The following ARHGAP17 variants were observed in gnomAD, a reference collection of about 807,000 sequenced individuals.
ARHGAP17 encodes rho GTPase-activating protein 17.
ARHGAP17 carries 57 observed loss-of-function variants against 99.5 expected under a neutral mutation model. The ratio of observed to expected loss-of-function variants is 0.57; its 90% confidence interval spans 0.46 to 0.71. The LOEUF (loss-of-function observed/expected upper bound fraction) is 0.71, where lower values mean the gene tolerates loss of function less well. Ranked by LOEUF, ARHGAP17 falls within the 30% of genes least tolerant of loss-of-function variation. The pLI, the probability that ARHGAP17 is intolerant of heterozygous loss-of-function variation, is 0.00. For missense variants in ARHGAP17, 1,000 were observed against 1,122.4 expected (o/e 0.89, Z 1.56); for synonymous variants, 417 against 429.6 (o/e 0.97, Z 0.36).
intron 1 of ARHGAP17, among the ~76,000 whole-genome samples, chr16:25,010,811 T>C (rs2141542246): frequency 6.6e-6 from 1 of 152,390 alleles, no homozygotes; most frequent in East Asian, 1.9e-4. Context: ...CCAGGTCCCC[T>C]GAGGCCTTCA....
intron 11 of ARHGAP17, among the ~76,000 whole-genome samples, chr16:24,952,614 CATA>C (rs1228722816): frequency 6.6e-6 from 1 of 152,032 alleles, no homozygotes; most frequent in Admixed American, 6.5e-5. Flanking sequence ...CCTTAACAGA[CATA>C]ATTTCTCCAG....
intron 1 of ARHGAP17, among the ~76,000 whole-genome samples, chr16:24,991,697 T>C (rs951715880): frequency 1.5e-4 from 23 of 152,188 alleles, no homozygotes; most frequent in Non-Finnish European, 7.3e-5. Context: ...AAGGAAGCTA[T>C]AGAAACACCT....
intron 1 of ARHGAP17, among the ~76,000 whole-genome samples, chr16:24,989,700 T>A (rs1358431189): frequency 6.6e-6 from 1 of 151,666 alleles, no homozygotes; most frequent in African/African-American, 2.4e-5. Context: ...TCTGTAAATT[T>A]ACTACAAATC....
intron 3 of ARHGAP17, among the ~76,000 whole-genome samples, chr16:24,970,837 A>G (rs2052340416): frequency 6.6e-6 from 1 of 152,096 alleles, no homozygotes; most frequent in Admixed American, 6.6e-5. Flanking sequence ...GTTAGCTGCT[A>G]TTATTATTAT....
chr16:24,930,779 C>T lies in ARHGAP17; in HGVS notation c.2515+5G>A. 4 of 1,614,202 alleles carry T rather than the reference C, an allele frequency of 2.5e-6. No homozygotes were observed. The highest frequency in any genetic ancestry group is 2.5e-6 in the Non-Finnish European group (3 of 1,180,048). Reference sequence around the variant, plus strand: ...AGGAAATACGGGCATTGATGTCCTACTTACCTGTTACTATCTTGGAAGCTG... The same window carrying T: ...AGGAAATACGGGCATTGATGTCCTATTTACCTGTTACTATCTTGGAAGCTG... On this transcript the variant is annotated splice_donor_5th_base_variant and intron_variant, in intron 19 of 19. Transcript: ENST00000289968.
chr16:24,951,450 C>T (rs370672863), intron 12 of ARHGAP17, among the ~76,000 whole-genome samples: 17 of 152,314 alleles, frequency 1.1e-4, no homozygotes, highest in African/African-American at 3.8e-4. Context: ...CATCATTATA[C>T]AGCTGACAAC....
chr16:24,968,627 T>TCGGCTCTTC, intron 5 of ARHGAP17, 34 bp downstream of exon 5: 1 of 1,608,872 alleles, frequency 6.2e-7, no homozygotes, highest in Non-Finnish European at 8.5e-7. Context: ...CACACCACTC[T>TCGGCTCTTC]CGGCTCTTCC....
At chr16:24,928,581 T>C (rs1473996282) in intron 19 of ARHGAP17, among the ~76,000 whole-genome samples, 1 of 152,190 alleles carries the variant, frequency 6.6e-6, no homozygotes, top group Non-Finnish European at 1.5e-5. Context: ...AGCATGAAAT[T>C]GTGGAATCGC....
intron 3 of ARHGAP17, 87 bp from the exon 4 acceptor site, chr16:24,970,667 T>G: frequency 7.8e-7 from 1 of 1,275,052 alleles, no homozygotes; most frequent in Non-Finnish European, 1.1e-6. Flanking sequence ...CATTAATTTC[T>G]CCCTCCAGGC....
chr16:24,940,826 CT>C (rs1026458094), intron 16 of ARHGAP17, among the ~76,000 whole-genome samples: 7 of 152,310 alleles, frequency 4.6e-5, no homozygotes, highest in African/African-American at 1.7e-4. Flanking sequence ...AACTTAACAA[CT>C]TTTTCTTTCA....
intron 19 of ARHGAP17, chr16:24,929,494 C>T (rs553414978): frequency 2.1e-5 from 14 of 678,686 alleles, no homozygotes; most frequent in East Asian, 1.4e-4. Flanking sequence ...TCAGGGCACA[C>T]GGTCAAACGG....
At chr16:24,986,952 G>A (rs567241362) in intron 1 of ARHGAP17, among the ~76,000 whole-genome samples, 1 of 152,344 alleles carries the variant, frequency 6.6e-6, no homozygotes, top group African/African-American at 2.4e-5. Context: ...GAAATCAGAA[G>A]TTATGTCCCT....
intron 1 of ARHGAP17, among the ~76,000 whole-genome samples, chr16:25,009,537 C>G (rs1021698659): frequency 6.6e-6 from 1 of 152,140 alleles, no homozygotes; most frequent in African/African-American, 2.4e-5. Context: ...AGATGAGATT[C>G]ATTCAATTCG....
At chr16:24,942,290 C>G (rs2051336312) in intron 15 of ARHGAP17, 147 bp from the exon 16 acceptor site, 1 of 735,718 alleles carries the variant, frequency 1.4e-6, no homozygotes, top group Non-Finnish European at 2.2e-6. Flanking sequence ...ACTCACATCG[C>G]AAGAATGGTC....
chr16:24,937,492 T>C (rs1254589312), intron 17 of ARHGAP17, among the ~76,000 whole-genome samples: 2 of 152,100 alleles, frequency 1.3e-5, no homozygotes, highest in Admixed American at 6.5e-5. Flanking sequence ...ATAAGTGAAT[T>C]TGCTTAGACT....
intron 15 of ARHGAP17, among the ~76,000 whole-genome samples, chr16:24,943,364 A>G (rs1448287549): frequency 6.6e-6 from 1 of 152,118 alleles, no homozygotes; most frequent in Non-Finnish European, 1.5e-5. Flanking sequence ...CTAAAAACCA[A>G]TCCCTGGTTC....
intron 1 of ARHGAP17, 98 bp from the exon 2 acceptor site, chr16:24,979,103 G>T: frequency 1.1e-6 from 1 of 871,556 alleles, no homozygotes; most frequent in Non-Finnish European, 1.8e-6. Context: ...AGCAAAACAG[G>T]CAGAAATAAA....
chr16:24,970,483 C>T (rs755492538), intron 4 of ARHGAP17, 24 bp downstream of exon 4: 8 of 1,610,948 alleles, frequency 5.0e-6, no homozygotes, highest in Non-Finnish European at 4.2e-6. Flanking sequence ...TGGCACTTGG[C>T]ACTCTGAAGG....
intron 1 of ARHGAP17, among the ~76,000 whole-genome samples, chr16:24,984,149 T>A (rs2052784151): frequency 6.6e-6 from 1 of 152,168 alleles, no homozygotes; most frequent in Non-Finnish European, 1.5e-5. Flanking sequence ...TAATCATGGA[T>A]TTCTGGTAGT....
Sources: gnomAD v4.1 joint callset for allele counts (sites outside exome capture counted in the v4.1 genomes callset) on GRCh38, gnomAD v4.1.1 for gene constraint, MANE v1.5 for transcripts, NCBI Gene and HGNC (gene_info 2026-07-23, HGNC 2026-07-21) for gene names.